The following CRACD variants were observed in gnomAD, a reference collection of about 807,000 sequenced individuals.
The protein encoded by CRACD is capping protein-inhibiting regulator of actin dynamics.
CRACD carries 56 observed loss-of-function variants against 106.8 expected under a neutral mutation model. The observed-to-expected ratio is 0.52, with a 90% confidence interval of 0.42 to 0.66. CRACD has a LOEUF of 0.66. Ranked by LOEUF, CRACD falls within the 30% of genes least tolerant of loss-of-function variation. The pLI, the probability that CRACD is intolerant of heterozygous loss-of-function variation, is 0.00. For missense variants in CRACD, 1,730 were observed against 1,623.2 expected, an observed-to-expected ratio of 1.07 and a Z score of -1.13; for synonymous variants, 754 against 670.8, an observed-to-expected ratio of 1.12 and a Z score of -1.92.
intron 7 of CRACD, among the ~76,000 whole-genome samples, chr4:56,313,804 A>C (rs905962643): frequency 1.3e-5 from 2 of 152,066 alleles, no homozygotes; most frequent in Non-Finnish European, 2.9e-5. Flanking sequence ...ATGACAAATA[A>C]AGGAGCTGGT....
intron 1 of CRACD, among the ~76,000 whole-genome samples, chr4:56,116,509 G>A (rs146451381): frequency 1.1e-3 from 164 of 152,258 alleles, no homozygotes; most frequent in African/African-American, 3.7e-3. Context: ...AGGGATCTGT[G>A]CTTCATAGTA....
At position 56,196,156 on chromosome 4, in the gene CRACD, G is replaced by GTTT. The variant is rs1737596856; in HGVS notation, c.-189+16726_-189+16727insTTT. ...ATAATAATGTCAGTGTTTTATTACAGGTATCAGTTTGTTTCCTCCATCTCT... is the reference window on the plus strand; with the variant it reads ...ATAATAATGTCAGTGTTTTATTACAGTTTGTATCAGTTTGTTTCCTCCATCTCT... On this transcript the variant is annotated intron_variant, in intron 2 of 10. Transcript: ENST00000682029. 4.6e-5 allele frequency among the ~76,000 whole-genome samples: 7 copies of GTTT among 152,256 alleles called. No homozygotes were observed. The South Asian group carries it at 1.5e-3, about 32-fold the overall frequency.
At chr4:56,228,203 C>A (rs572931116) in intron 2 of CRACD, among the ~76,000 whole-genome samples, 2 of 152,194 alleles carry the variant, frequency 1.3e-5, no homozygotes, top group Admixed American at 1.3e-4. Context: ...CAAAAATATA[C>A]CTGACTTTTG....
At chr4:56,246,771 G>A (rs1740706634) in intron 2 of CRACD, 1 of 152,190 alleles carries the variant, frequency 6.6e-6, no homozygotes, top group Non-Finnish European at 1.5e-5. Context: ...TTGGGAAATG[G>A]GGGAAGAAAC....
At chr4:56,185,295 G>A (rs11133431) in intron 2 of CRACD, among the ~76,000 whole-genome samples, 76,029 of 151,934 alleles carry the variant, frequency 0.5, 20,682 homozygotes, top group African/African-American at 0.7. Context: ...TTTTGCACCC[G>A]TCACCTCTGT....
At chr4:56,290,678 T>C (rs1743654829) in intron 3 of CRACD, among the ~76,000 whole-genome samples, 1 of 152,162 alleles carries the variant, frequency 6.6e-6, no homozygotes, top group South Asian at 2.1e-4. Context: ...ATAATATCAA[T>C]GACAACAGCA....
At chr4:56,214,786 G>A (rs1033718662) in intron 2 of CRACD, among the ~76,000 whole-genome samples, 14 of 151,224 alleles carry the variant, frequency 9.3e-5, no homozygotes, top group Non-Finnish European at 1.6e-4. Context: ...GCCAAGGTAG[G>A]CAAATCATGA....
chr4:56,130,695 G>C (rs1335067613), intron 1 of CRACD, among the ~76,000 whole-genome samples: 1 of 152,166 alleles, frequency 6.6e-6, no homozygotes, highest in Non-Finnish European at 1.5e-5. Context: ...AGTACACAAT[G>C]CTTAGTAATG....
chr4:56,271,067 T>C (rs1050838008), intron 2 of CRACD, among the ~76,000 whole-genome samples: 1 of 148,148 alleles, frequency 6.8e-6, no homozygotes, highest in African/African-American at 2.5e-5. Context: ...ATCGTGCCAT[T>C]GCACTCCAGC....
intron 3 of CRACD, among the ~76,000 whole-genome samples, chr4:56,281,363 A>C (rs1458806695): frequency 6.6e-6 from 1 of 152,142 alleles, no homozygotes; most frequent in African/African-American, 2.4e-5. Flanking sequence ...CGTCCATGAA[A>C]AAATTATCTT....
chr4:56,247,779 G>T (rs1187766867), intron 2 of CRACD, among the ~76,000 whole-genome samples: 1 of 152,022 alleles, frequency 6.6e-6, no homozygotes, highest in Non-Finnish European at 1.5e-5. Context: ...CCAGGAGGGG[G>T]ACGTTGCAGC....
intron 3 of CRACD, chr4:56,297,973 A>C (rs1744143904): frequency 2.7e-6 from 1 of 363,782 alleles, no homozygotes; most frequent in Non-Finnish European, 5.1e-6. Context: ...TATACAAATA[A>C]GTAACTGTCT....
chr4:56,072,242 A>T (rs1245980498), intron 1 of CRACD, among the ~76,000 whole-genome samples: 1 of 151,988 alleles, frequency 6.6e-6, no homozygotes, highest in Admixed American at 6.6e-5. Flanking sequence ...TTATCCTTAT[A>T]CTCTCATAAA....
chr4:56,129,693 G>A (rs74917273), intron 1 of CRACD, among the ~76,000 whole-genome samples: 1,566 of 152,232 alleles, frequency 0.01, 21 homozygotes, highest in East Asian at 0.065. Context: ...CACTGTGCCC[G>A]GCACTAGGGA....
chr4:56,296,126 T>C (rs997231499), intron 3 of CRACD, among the ~76,000 whole-genome samples: 6 of 152,192 alleles, frequency 3.9e-5, no homozygotes, highest in African/African-American at 1.4e-4. Flanking sequence ...TCACTCATGA[T>C]GGCAATACTA....
chr4:56,124,002 A>C (rs1237890655), intron 1 of CRACD, among the ~76,000 whole-genome samples: 1 of 151,808 alleles, frequency 6.6e-6, no homozygotes. Flanking sequence ...CAATGGCGTG[A>C]TCTTGGCTCA....
In CRACD at chr4:56,213,981, T is replaced by C. The variant is rs143841417; in HGVS notation, c.-189+34551T>C. Among the ~76,000 whole-genome samples the C allele has an allele frequency of 3.3e-5, 5 of 152,290 alleles. No homozygotes were observed. The East Asian group carries it at 9.6e-4, about 29-fold the overall frequency. On this transcript the variant is annotated intron_variant, in intron 2 of 10. Transcript: ENST00000682029. Reference sequence around the variant, plus strand: ...AAAGCCTGAATGGTCTCATTCAGGGTAGAAAGGGTGAGAAACAGATTGGTA... The same window carrying C: ...AAAGCCTGAATGGTCTCATTCAGGGCAGAAAGGGTGAGAAACAGATTGGTA...
At chr4:56,147,056 G>C (rs1339739178) in intron 1 of CRACD, among the ~76,000 whole-genome samples, 1 of 152,156 alleles carries the variant, frequency 6.6e-6, no homozygotes, top group Non-Finnish European at 1.5e-5. Context: ...TGCCCATCCG[G>C]AGGTCCAATT....
At chr4:56,271,138 T>C (rs1742329836) in intron 2 of CRACD, among the ~76,000 whole-genome samples, 1 of 151,346 alleles carries the variant, frequency 6.6e-6, no homozygotes, top group African/African-American at 2.4e-5. Flanking sequence ...TTAAAAATAG[T>C]TGTCAGACCA....
Sources: gnomAD v4.1 joint callset for allele counts (sites outside exome capture counted in the v4.1 genomes callset) on GRCh38, gnomAD v4.1.1 for gene constraint, MANE v1.5 for transcripts, NCBI Gene and HGNC (gene_info 2026-07-23, HGNC 2026-07-21) for gene names.